Variants in SIK2 observed in about 807,000 individuals in gnomAD.
The protein encoded by SIK2 is serine/threonine-protein kinase SIK2.
SIK2 carries 29 observed loss-of-function variants against 103.2 expected under a neutral mutation model. The ratio of observed to expected loss-of-function variants is 0.28; its 90% CI spans 0.21 to 0.38. The LOEUF (loss-of-function observed/expected upper bound fraction) is 0.38. Among genes scored for constraint, SIK2 ranks in the 10% least tolerant of loss-of-function variants. The pLI, the probability that SIK2 is intolerant of heterozygous loss-of-function variation, is 1.00. For synonymous variants in SIK2, 412 were observed against 446.1 expected (o/e 0.92, Z 0.96); for missense variants, 879 against 1,171.0 (o/e 0.75, Z 3.64).
intron 3 of SIK2, among the ~76,000 whole-genome samples, chr11:111,681,831 C>T (rs2135888528): frequency 6.6e-6 from 1 of 152,296 alleles, no homozygotes; most frequent in East Asian, 1.9e-4. Context: ...GTAACAGCCA[C>T]TAATGAATAC....
intron 3 of SIK2, among the ~76,000 whole-genome samples, chr11:111,638,791 T>G (rs756561639): frequency 2.6e-4 from 39 of 152,296 alleles, no homozygotes; most frequent in South Asian, 8.3e-4. Context: ...ATCTATAAAT[T>G]CTAGGTCTAT....
At chr11:111,704,882 A>G in intron 7 of SIK2, 105 bp from the exon 8 acceptor site, 2 of 1,359,812 alleles carry the variant, frequency 1.5e-6, no homozygotes, top group Non-Finnish European at 2.0e-6. Flanking sequence ...TTTTCACCCT[A>G]TTTTTAAGAG....
At chr11:111,660,966 C>G (rs1942460414) in intron 3 of SIK2, among the ~76,000 whole-genome samples, 1 of 149,514 alleles carries the variant, frequency 6.7e-6, no homozygotes, top group Non-Finnish European at 1.5e-5. Context: ...TCTTGAGTAG[C>G]TGGGATTAAG....
At chr11:111,677,951 T>C (rs771221289) in intron 3 of SIK2, among the ~76,000 whole-genome samples, 33 of 152,232 alleles carry the variant, frequency 2.2e-4, no homozygotes, top group Non-Finnish European at 4.0e-4. Flanking sequence ...AGATCAAGTC[T>C]CTCATCTACT....
chr11:111,676,754 C>T (rs1942708237), intron 3 of SIK2, among the ~76,000 whole-genome samples: 1 of 152,164 alleles, frequency 6.6e-6, no homozygotes, highest in Admixed American at 6.5e-5. Context: ...ATCTCATTCT[C>T]CAAGTTTGAC....
chr11:111,723,146 C>T (rs1015164319), intron 14 of SIK2, among the ~76,000 whole-genome samples: 2 of 152,174 alleles, frequency 1.3e-5, no homozygotes, highest in African/African-American at 2.4e-5. Context: ...TAGACCTACC[C>T]TAATCAATCC....
intron 4 of SIK2, among the ~76,000 whole-genome samples, chr11:111,696,618 T>G (rs1239189062): frequency 1.3e-5 from 2 of 152,218 alleles, no homozygotes; most frequent in African/African-American, 4.8e-5. Context: ...CTAGCAGGGC[T>G]AGGCTGGATC....
chr11:111,691,241 A>C (rs187265287), intron 4 of SIK2, among the ~76,000 whole-genome samples: 1 of 152,288 alleles, frequency 6.6e-6, no homozygotes, highest in East Asian at 1.9e-4. Flanking sequence ...TCTAATCTTC[A>C]AGCCCTTCTA....
Position 111,602,530 on chromosome 11 carries a change from CTCCTGTCCGCCGTG to C in SIK2, c.-31_-18del. The C allele has an allele frequency of 2.1e-6, 3 of 1,461,930 alleles. No individual in the cohort carries two copies. The highest frequency in any genetic ancestry group is 2.7e-6 in the Non-Finnish European group (3 of 1,107,456). The allele number at this position is 1,461,930 out of a possible 1,614,324, so 90.6% of individuals were successfully genotyped here. On this transcript the variant is annotated 5_prime_UTR_variant, in exon 1 of 15. Transcript: ENST00000304987. The surrounding 1 kb of genome is among the most constrained non-coding windows in gnomAD (Gnocchi z 4.5). Reference sequence around the variant, plus strand: ...CTGCCAACCCTCCCGCCCGCCCGCGCTCCTGTCCGCCGTGTCTAGCAGCGGGGCCCAGCATGGTC... The same window carrying C: ...CTGCCAACCCTCCCGCCCGCCCGCGCTCTAGCAGCGGGGCCCAGCATGGTC...
chr11:111,651,005 CTCTG>C (rs1210387296), intron 3 of SIK2, among the ~76,000 whole-genome samples: 8 of 151,928 alleles, frequency 5.3e-5, no homozygotes, highest in African/African-American at 1.7e-4. Flanking sequence ...TTTAATGGAC[CTCTG>C]TCTTTTAGGA....
chr11:111,711,181 G>A (rs544198831), intron 8 of SIK2, among the ~76,000 whole-genome samples: 21 of 151,428 alleles, frequency 1.4e-4, no homozygotes, highest in African/African-American at 4.8e-4. Flanking sequence ...TGCAGTGGCG[G>A]GATCTTGGCT....
rs770706896 is a variant in SIK2, at chr11:111,620,453, G to A, written c.316+51G>A. On this transcript the variant is annotated intron_variant, in intron 3 of 14. Transcript: ENST00000304987. ...ATTAATTTGAAAAATTCACTAATCTGCATGAATGGGGTATTTTCTGTTAAT... is the reference window on the plus strand; with the variant it reads ...ATTAATTTGAAAAATTCACTAATCTACATGAATGGGGTATTTTCTGTTAAT... 7.1e-6 allele frequency: 8 copies of A among 1,127,320 alleles called. No individual in the cohort carries two copies. The African/African-American group carries it at 1.1e-4, about 16-fold the overall frequency. 69.8% of individuals were successfully genotyped at this position (1,127,320 alleles called of 1,614,324 possible).
chr11:111,677,718 C>A (rs1330220383), intron 3 of SIK2, among the ~76,000 whole-genome samples: 2 of 151,976 alleles, frequency 1.3e-5, no homozygotes, highest in Admixed American at 1.3e-4. Context: ...CTTGAGCCAC[C>A]ACGCCCAGCC....
chr11:111,611,442 C>T (rs995289814), intron 1 of SIK2, among the ~76,000 whole-genome samples: 2 of 152,100 alleles, frequency 1.3e-5, no homozygotes, highest in African/African-American at 4.8e-5. Flanking sequence ...AAACATCTCA[C>T]TGAACTTTAG....
At chr11:111,626,272 G>A (rs1204339902) in intron 3 of SIK2, among the ~76,000 whole-genome samples, 3 of 152,102 alleles carry the variant, frequency 2.0e-5, no homozygotes, top group East Asian at 1.9e-4. Context: ...GTTTGGAAGG[G>A]AAGAAGCTGA....
intron 3 of SIK2, among the ~76,000 whole-genome samples, chr11:111,656,499 G>GT (rs1006520135): frequency 6.6e-6 from 1 of 152,120 alleles, no homozygotes; most frequent in Non-Finnish European, 1.5e-5. Context: ...CAACTCACCA[G>GT]TTTTAACATT....
intron 4 of SIK2, among the ~76,000 whole-genome samples, chr11:111,691,488 G>A (rs983632130): frequency 6.6e-6 from 1 of 152,064 alleles, no homozygotes; most frequent in Non-Finnish European, 1.5e-5. Context: ...TAGCAGACCT[G>A]GAATTCAAAC....
In SIK2 at chr11:111,724,133, C is replaced by T; in HGVS notation, c.*4C>T. On this transcript the variant is annotated 3_prime_UTR_variant, in exon 15 of 15. Transcript: ENST00000304987. ...CGGGTATGTCCTGGTGAATTAGTCT[C>T]AGCACAGGAATTGAGGTGGGTCAGG... The T allele has an allele frequency of 1.2e-6, 2 of 1,604,098 alleles. No individual in the cohort carries two copies. Among genetic ancestry groups the T allele is most frequent in the Non-Finnish European group, 1.7e-6 (2 of 1,175,982 alleles).
chr11:111,631,266 C>T lies in SIK2; in HGVS notation c.316+10864C>T, dbSNP rs115094576. 2.7e-3 allele frequency among the ~76,000 whole-genome samples: 405 copies of T among 152,210 alleles called. 3 individuals carry two copies. Among genetic ancestry groups the T allele is most frequent in the African/African-American group, 9.3e-3 (388 of 41,536 alleles). ...TAGCTGATGAGACATCAGAGAAAGG[C>T]AGTACATTAGACACTGTAGTGAGAG... On this transcript the variant is annotated intron_variant, in intron 3 of 14. Transcript: ENST00000304987.
Sources: allele counts gnomAD v4.1 joint callset (sites outside exome capture counted in the v4.1 genomes callset), GRCh38; gene constraint gnomAD v4.1.1; non-coding constraint Gnocchi (gnomAD v3.1); transcripts MANE v1.5; gene names NCBI Gene and HGNC (gene_info 2026-07-23, HGNC 2026-07-21).